UXS1: variants seen among roughly 807,000 people sequenced by gnomAD.
The protein encoded by UXS1 is UDP-glucuronate decarboxylase 1, also known as UDP-glucuronic acid decarboxylase 1.
Under a neutral mutation model 62.6 loss-of-function variants are expected in UXS1, and 33 were observed. The ratio of observed to expected loss-of-function variants is 0.53; its 90% CI spans 0.40 to 0.70. UXS1 has a LOEUF of 0.70. Ranked by LOEUF, UXS1 falls within the 30% of genes least tolerant of loss-of-function variation. UXS1 has a pLI of 0.00. For synonymous variants in UXS1, 213 were observed against 206.8 expected (o/e 1.03, Z -0.26); for missense variants, 434 against 556.3 (o/e 0.78, Z 2.21).
intron 5 of UXS1, among the ~76,000 whole-genome samples, chr2:106,156,975 T>C (rs1475723489): frequency 6.6e-6 from 1 of 151,814 alleles, no homozygotes; most frequent in Admixed American, 6.6e-5. Context: ...ACATACTAAG[T>C]GAGAAAAGCT....
intron 1 of UXS1, among the ~76,000 whole-genome samples, chr2:106,191,719 CA>C (rs1169509631): frequency 6.6e-6 from 1 of 152,262 alleles, no homozygotes; most frequent in Non-Finnish European, 1.5e-5. Flanking sequence ...CCTCTGCACA[CA>C]CTGCTCCTCC....
intron 14 of UXS1, among the ~76,000 whole-genome samples, chr2:106,095,714 G>T (rs1014840234): frequency 1.3e-5 from 2 of 152,170 alleles, no homozygotes; most frequent in African/African-American, 4.8e-5. Flanking sequence ...ACATGAGGGT[G>T]GGCAAAGAGG....
intron 1 of UXS1, among the ~76,000 whole-genome samples, chr2:106,188,498 G>A (rs1684718017): frequency 1.3e-5 from 2 of 152,236 alleles, no homozygotes; most frequent in South Asian, 4.1e-4. Flanking sequence ...CAGAAGACAG[G>A]TGGCTCCATC....
chr2:106,187,094 T>C (rs1684606277), intron 1 of UXS1, among the ~76,000 whole-genome samples: 1 of 151,178 alleles, frequency 6.6e-6, no homozygotes, highest in African/African-American at 2.4e-5. Flanking sequence ...AAAAGAAAAA[T>C]GTGGAAAAAA....
chr2:106,178,053 G>C (rs1684003859), intron 1 of UXS1, among the ~76,000 whole-genome samples: 1 of 152,184 alleles, frequency 6.6e-6, no homozygotes, highest in Non-Finnish European at 1.5e-5. Context: ...TTCCATCGCA[G>C]GCGCTACTAA....
chr2:106,122,930 C>G, intron 9 of UXS1, 40 bp downstream of exon 9: 1 of 1,609,650 alleles, frequency 6.2e-7, no homozygotes, highest in Admixed American at 1.7e-5. Flanking sequence ...TCAGGGTGCT[C>G]AGCACGCCTA....
chr2:106,144,478 G>C (rs1681394570), intron 6 of UXS1, among the ~76,000 whole-genome samples: 1 of 152,156 alleles, frequency 6.6e-6, no homozygotes, highest in South Asian at 2.1e-4. Context: ...TGGGAAAAAT[G>C]CTAAATACAA....
chr2:106,117,784 T>C (rs1679176764), intron 9 of UXS1, among the ~76,000 whole-genome samples: 1 of 152,206 alleles, frequency 6.6e-6, no homozygotes, highest in South Asian at 2.1e-4. Context: ...CTAACTCCCC[T>C]AGGGCCTGTC....
At position 106,158,052 on chromosome 2, in the gene UXS1, A is replaced by G; in HGVS notation, c.291+6T>C. 6.4e-7 allele frequency: 1 copy of G among 1,559,736 alleles called. No individual in the cohort carries two copies. The highest frequency in any genetic ancestry group is 8.7e-7 in the Non-Finnish European group (1 of 1,150,396). On this transcript the variant is annotated splice_donor_region_variant and intron_variant, in intron 5 of 14. Transcript: ENST00000283148. ...TTACAAATACTATTCAGGTGTGCAA[A>G]CTTACCAAAATTCTTTTCCGATCCT...
intron 9 of UXS1, among the ~76,000 whole-genome samples, chr2:106,121,300 A>T (rs1381697939): frequency 6.6e-6 from 1 of 152,242 alleles, no homozygotes; most frequent in Admixed American, 6.5e-5. Context: ...TACTTAAGGC[A>T]ATAGGTATAC....
intron 1 of UXS1, among the ~76,000 whole-genome samples, chr2:106,172,787 C>T (rs1683648153): frequency 6.6e-6 from 1 of 152,192 alleles, no homozygotes; most frequent in African/African-American, 2.4e-5. Context: ...CCTGCTGCCA[C>T]CACCTATTGC....
intron 5 of UXS1, among the ~76,000 whole-genome samples, chr2:106,146,801 C>T (rs544007064): frequency 4.4e-4 from 55 of 124,282 alleles, no homozygotes; most frequent in African/African-American, 1.6e-3. Flanking sequence ...AAAAAAGAAG[C>T]CATCTGGATG....
At chr2:106,099,563 T>C (rs1312183952) in intron 12 of UXS1, among the ~76,000 whole-genome samples, 1 of 152,104 alleles carries the variant, frequency 6.6e-6, no homozygotes, top group African/African-American at 2.4e-5. Context: ...TGCAAGAAAG[T>C]GATTCTGCCT....
intron 8 of UXS1, among the ~76,000 whole-genome samples, chr2:106,124,898 A>G (rs1679802762): frequency 6.6e-6 from 1 of 152,116 alleles, no homozygotes; most frequent in African/African-American, 2.4e-5. Flanking sequence ...TTACCCTCTT[A>G]CTTCCTTCTC....
At chr2:106,161,761 T>C (rs1014073510) in intron 4 of UXS1, among the ~76,000 whole-genome samples, 7 of 152,150 alleles carry the variant, frequency 4.6e-5, no homozygotes, top group African/African-American at 1.7e-4. Context: ...ATTAAACAAA[T>C]GGCATATAAT....
chr2:106,126,709 T>C (rs1392107080), intron 7 of UXS1, among the ~76,000 whole-genome samples: 4 of 152,208 alleles, frequency 2.6e-5, no homozygotes, highest in African/African-American at 9.6e-5. Flanking sequence ...TACAAAGTAG[T>C]ATAGGGACCT....
intron 1 of UXS1, among the ~76,000 whole-genome samples, chr2:106,168,655 A>T (rs1683356779): frequency 6.6e-6 from 1 of 152,226 alleles, no homozygotes; most frequent in Non-Finnish European, 1.5e-5. Flanking sequence ...CATACAGGAA[A>T]AGTGCCCTCA....
intron 6 of UXS1, among the ~76,000 whole-genome samples, chr2:106,141,662 T>G (rs778763889): frequency 8.5e-5 from 13 of 152,108 alleles, no homozygotes; most frequent in Non-Finnish European, 1.8e-4. Context: ...TTGCCCAGGC[T>G]GGTCTGGAAC....
intron 7 of UXS1, among the ~76,000 whole-genome samples, chr2:106,128,586 G>A (rs565485359): frequency 1.3e-5 from 2 of 152,186 alleles, no homozygotes; most frequent in South Asian, 2.1e-4. Context: ...ATCTGCCCTC[G>A]GCTCTCTGGT....
Sources: allele counts gnomAD v4.1 joint callset (sites outside exome capture counted in the v4.1 genomes callset), GRCh38; gene constraint gnomAD v4.1.1; transcripts MANE v1.5; gene names NCBI Gene and HGNC (gene_info 2026-07-23, HGNC 2026-07-21).